The following SERPINB7 variants were observed in gnomAD, a reference collection of about 807,000 sequenced individuals.
The protein encoded by SERPINB7 is serpin family B member 7.
SERPINB7 carries 31 observed loss-of-function variants against 37.4 expected under a neutral mutation model. The ratio of observed to expected loss-of-function variants is 0.83; its 90% CI spans 0.62 to 1.12. SERPINB7 has a LOEUF of 1.12. Ranked by LOEUF, SERPINB7 falls within the 50% of genes most tolerant of loss-of-function variation. The pLI is 0.00. For missense variants in SERPINB7, 521 were observed against 455.3 expected (o/e 1.14, Z -1.31); for synonymous variants, 163 against 166.1 (o/e 0.98, Z 0.14).
At chr18:63,796,735 AAG>A (rs911892817) in intron 5 of SERPINB7, among the ~76,000 whole-genome samples, 4 of 152,172 alleles carry the variant, frequency 2.6e-5, no homozygotes, top group African/African-American at 4.8e-5. Flanking sequence ...AACAAAAACT[AAG>A]AGTTATTATT....
chr18:63,794,110 A>ATTTTTTTTTTTTTTTTTTTTT (rs34450022), intron 4 of SERPINB7, among the ~76,000 whole-genome samples: 5 of 105,572 alleles, frequency 4.7e-5, no homozygotes, highest in Non-Finnish European at 7.2e-5. Context: ...CATCCTGCTA[A>ATTTTTTTTTTTTTTTTTTTTT]TTTTTTTTTT....
chr18:63,779,901 G>A (rs1012009409), intron 1 of SERPINB7, among the ~76,000 whole-genome samples: 4 of 151,974 alleles, frequency 2.6e-5, no homozygotes, highest in Non-Finnish European at 5.9e-5. Flanking sequence ...GGCATAATTT[G>A]TAAAACAACA....
chr18:63,793,125 C>A, intron 3 of SERPINB7, 36 bp from the exon 4 acceptor site: 1 of 1,183,274 alleles, frequency 8.5e-7, no homozygotes, highest in Non-Finnish European at 1.2e-6. Flanking sequence ...TCTTTGCAGT[C>A]CAAAAATAAA....
intron 2 of SERPINB7, among the ~76,000 whole-genome samples, chr18:63,784,317 T>C (rs1042385892): frequency 1.2e-4 from 18 of 152,144 alleles, no homozygotes; most frequent in African/African-American, 4.3e-4. Context: ...TTTAGCAGCA[T>C]TCCTGGCCTC....
At chr18:63,763,178 T>G (rs2049163528) in intron 1 of SERPINB7, among the ~76,000 whole-genome samples, 1 of 152,164 alleles carries the variant, frequency 6.6e-6, no homozygotes, top group Non-Finnish European at 1.5e-5. Flanking sequence ...GTAATCAAAG[T>G]GCTGACATAA....
At chr18:63,780,674 C>T (rs2049292790) in intron 1 of SERPINB7, among the ~76,000 whole-genome samples, 2 of 152,164 alleles carry the variant, frequency 1.3e-5, no homozygotes, top group African/African-American at 4.8e-5. Flanking sequence ...CATAGGTGTT[C>T]TTTCTTAGAG....
At chr18:63,798,146 T>C (rs923648173) in intron 5 of SERPINB7, among the ~76,000 whole-genome samples, 6 of 152,320 alleles carry the variant, frequency 3.9e-5, no homozygotes, top group Admixed American at 3.9e-4. Context: ...GAATAGTGCA[T>C]AGCATCCAGC....
intron 1 of SERPINB7, among the ~76,000 whole-genome samples, chr18:63,778,461 G>A (rs1046707119): frequency 6.6e-6 from 1 of 151,834 alleles, no homozygotes; most frequent in African/African-American, 2.4e-5. Flanking sequence ...AAAAAATAAT[G>A]TGTCATGAAC....
rs754189576 is a variant in SERPINB7, at chr18:63,793,195, C to G, written c.254C>G (p.Ser85Cys). 6.3e-6 allele frequency: 10 copies of G among 1,594,778 alleles called. No homozygotes were observed. The East Asian group carries it at 1.8e-4, about 29-fold the overall frequency. Residue 85 changes from serine (S) to cysteine (C), a missense_variant, in exon 4 of 8, where the codon TCT becomes TGT. Ser to Cys is a moderately radical substitution (Grantham distance 112). Transcript: ENST00000398019. ...GLQSQLKRVF[S>C]DINASHKDYD... ...CAGTCTCAACTGAAAAGAGTTTTTT[C>G]TGATATAAATGCATCCCACAAGGAT...
chr18:63,778,314 T>A lies in SERPINB7; in HGVS notation c.-19+2598T>A, dbSNP rs571197414. Among the ~76,000 whole-genome samples the A allele has an allele frequency of 2.0e-5, 3 of 152,272 alleles. No individual in the cohort carries two copies. In the South Asian group the frequency reaches 6.2e-4, roughly 32 times the overall value. On this transcript the variant is annotated intron_variant, in intron 1 of 7. Coordinates refer to ENST00000398019, the MANE Select transcript of SERPINB7 (RefSeq NM_003784.4). ...GTTTTTAAAAGAAATACAAAGATTTTAAAATATTTCTTCCAAGAGTATCTG... is the reference window on the plus strand; with the variant it reads ...GTTTTTAAAAGAAATACAAAGATTTAAAAATATTTCTTCCAAGAGTATCTG...
At chr18:63,792,310 A>G (rs2049437370) in intron 2 of SERPINB7, 83 bp from the exon 3 acceptor site, 2 of 1,003,578 alleles carry the variant, frequency 2.0e-6, no homozygotes, top group Admixed American at 4.0e-5. Flanking sequence ...TTGGGAAAGA[A>G]TATTTTTATT....
At chr18:63,760,816 G>A (rs1287239072) in intron 1 of SERPINB7, among the ~76,000 whole-genome samples, 1 of 152,212 alleles carries the variant, frequency 6.6e-6, no homozygotes, top group Non-Finnish European at 1.5e-5. Flanking sequence ...CAAGAATTGA[G>A]GTTTGGGAAC....
At chr18:63,762,373 C>T (rs2049159097) in intron 1 of SERPINB7, among the ~76,000 whole-genome samples, 2 of 152,182 alleles carry the variant, frequency 1.3e-5, no homozygotes, top group African/African-American at 4.8e-5. Flanking sequence ...TTTCTTATCT[C>T]TGCAGAGACA....
At chr18:63,801,913 G>A (rs371759352) in intron 7 of SERPINB7, among the ~76,000 whole-genome samples, 99 of 152,246 alleles carry the variant, frequency 6.5e-4, no homozygotes, top group African/African-American at 1.7e-3. Context: ...TCTCTACATC[G>A]TGGCGGAATT....
intron 7 of SERPINB7, among the ~76,000 whole-genome samples, chr18:63,803,680 A>ATCAAAAC (rs2049573775): frequency 6.6e-6 from 1 of 152,152 alleles, no homozygotes; most frequent in Non-Finnish European, 1.5e-5. Context: ...TGAGAACAAG[A>ATCAAAAC]AATTGATTTG....
At chr18:63,803,077 A>G (rs538094285) in intron 7 of SERPINB7, among the ~76,000 whole-genome samples, 2 of 152,344 alleles carry the variant, frequency 1.3e-5, no homozygotes, top group East Asian at 3.9e-4. Context: ...CTAACAATAT[A>G]GTTTTATTCT....
In SERPINB7 at chr18:63,804,505, C is replaced by G; in HGVS notation, c.1013C>G (p.Ala338Gly). The G allele has an allele frequency of 6.2e-7, 1 of 1,613,816 alleles. No homozygotes were observed. The highest frequency in any genetic ancestry group is 8.5e-7 in the Non-Finnish European group (1 of 1,179,882). ...EVTEEGTEAT[A>G]ATGSNIVEKQ... ...ACTGAGGAGGGCACCGAGGCTACTG[C>G]TGCCACAGGAAGTAATATTGTAGAA... The change falls in exon 8 of 8, where the codon GCT becomes GGT. Residue 338 changes from alanine to glycine, a missense_variant. Transcript: ENST00000398019.
At position 63,786,305 on chromosome 18, in the gene SERPINB7, G is replaced by A. The variant is rs200534067; in HGVS notation, c.168+3765G>A. On this transcript the variant is annotated intron_variant, in intron 2 of 7. Transcript: ENST00000398019. The stretch of plus-strand genomic sequence containing the variant: ...ATATTATATATAGTTTGGATTACAC[G>A]TTTGGATTATATATGTATGAGAGCC... Among the ~76,000 whole-genome samples, 38 of 23,690 alleles carry A rather than the reference G, an allele frequency of 1.6e-3. 1 individual carries two copies. Among genetic ancestry groups the A allele is most frequent in the African/African-American group, 2.8e-3 (1 of 354 alleles). The allele number at this position is 23,690 out of a possible 152,430, so 15.5% of individuals were successfully genotyped here.
chr18:63,804,406 C>T lies in SERPINB7; in HGVS notation c.914C>T (p.Ala305Val). 1 of 1,613,714 alleles carries T rather than the reference C, an allele frequency of 6.2e-7. No homozygotes were observed. Among genetic ancestry groups the T allele is most frequent in the Non-Finnish European group, 8.5e-7 (1 of 1,179,812 alleles). Residue 305 changes from alanine (A) to valine (V), a missense_variant, in exon 8 of 8, where the codon GCA (alanine) becomes GTA (valine). Ala to Val is a moderately conservative substitution (Grantham distance 64, BLOSUM62 0). Coordinates refer to ENST00000398019, the MANE Select transcript of SERPINB7 (RefSeq NM_003784.4). ...GLKDIFDESK[A>V]DLSGIASGGR... ...AAAGATATCTTTGATGAATCCAAAG[C>T]AGATCTCTCTGGGATTGCTTCGGGG...
Sources: gnomAD v4.1 joint callset for allele counts (sites outside exome capture counted in the v4.1 genomes callset) on GRCh38, gnomAD v4.1.1 for gene constraint, MANE v1.5 for transcripts, NCBI Gene and HGNC (gene_info 2026-07-23, HGNC 2026-07-21) for gene names.